Variants in FAM135B observed in about 807,000 individuals in gnomAD.
FAM135B encodes the protein family with sequence similarity 135 member B, also known as protein FAM135B.
A neutral mutation model predicts 127.7 loss-of-function variants in FAM135B; 43 were observed. The observed-to-expected ratio is 0.34, with a 90% confidence interval of 0.26 to 0.43. The LOEUF (loss-of-function observed/expected upper bound fraction) is 0.43, where lower values mean the gene tolerates loss of function less well. Ranked by LOEUF, FAM135B falls within the 20% of genes least tolerant of loss-of-function variation. FAM135B has a pLI of 1.00. For synonymous variants in FAM135B, 670 were observed against 665.1 expected, an observed-to-expected ratio of 1.01 and a Z score of -0.11; for missense variants, 1,558 against 1,725.6, an observed-to-expected ratio of 0.90 and a Z score of 1.72.
At chr8:138,257,839 T>A (rs2130556558) in intron 4 of FAM135B, among the ~76,000 whole-genome samples, 1 of 151,748 alleles carries the variant, frequency 6.6e-6, no homozygotes, top group Admixed American at 6.6e-5. Context: ...TTCAGGCAAT[T>A]TCATATTTGT....
At chr8:138,304,709 G>C (rs1179422379) in intron 3 of FAM135B, among the ~76,000 whole-genome samples, 3 of 152,206 alleles carry the variant, frequency 2.0e-5, no homozygotes, top group Non-Finnish European at 4.4e-5. Context: ...TGGCCAGCAG[G>C]TATCATGGCA....
At chr8:138,324,814 C>A (rs1827690889) in intron 2 of FAM135B, among the ~76,000 whole-genome samples, 1 of 152,182 alleles carries the variant, frequency 6.6e-6, no homozygotes, top group Non-Finnish European at 1.5e-5. Flanking sequence ...AACGACTATA[C>A]AATACACCCT....
chr8:138,429,091 A>G (rs1174959734), intron 1 of FAM135B, among the ~76,000 whole-genome samples: 3 of 152,220 alleles, frequency 2.0e-5, no homozygotes, highest in African/African-American at 7.2e-5. Context: ...AATGCTATGG[A>G]CAAAAAATAT....
chr8:138,238,114 G>T (rs963260885), intron 7 of FAM135B, among the ~76,000 whole-genome samples: 3 of 152,150 alleles, frequency 2.0e-5, no homozygotes, highest in African/African-American at 7.2e-5. Flanking sequence ...ACAGCAGGTT[G>T]GCACTGAGGA....
chr8:138,135,116 G>A (rs1332815607), intron 19 of FAM135B, among the ~76,000 whole-genome samples: 1 of 152,182 alleles, frequency 6.6e-6, no homozygotes. Context: ...TGTAAATGAT[G>A]GGTGTGGCTA....
chr8:138,376,220 G>A (rs745696803), intron 1 of FAM135B, among the ~76,000 whole-genome samples: 1 of 152,182 alleles, frequency 6.6e-6, no homozygotes, highest in Admixed American at 6.5e-5. Flanking sequence ...TAGGATTACA[G>A]ACATGAACCA....
At chr8:138,165,705 T>C (rs768332015) in intron 12 of FAM135B, among the ~76,000 whole-genome samples, 1 of 152,180 alleles carries the variant, frequency 6.6e-6, no homozygotes, top group Non-Finnish European at 1.5e-5. Flanking sequence ...TATGCATACA[T>C]ACACATACAT....
chr8:138,176,287 A>C (rs986688527), intron 11 of FAM135B, among the ~76,000 whole-genome samples: 1 of 152,234 alleles, frequency 6.6e-6, no homozygotes, highest in Non-Finnish European at 1.5e-5. Context: ...CTATTGTTGC[A>C]GTAACTCTGG....
chr8:138,324,411 T>C (rs1827662034), intron 2 of FAM135B, among the ~76,000 whole-genome samples: 1 of 152,192 alleles, frequency 6.6e-6, no homozygotes, highest in African/African-American at 2.4e-5. Flanking sequence ...CTCTAAAAAG[T>C]AGTAATGACA....
At chr8:138,341,394 GT>G (rs1829036519) in intron 2 of FAM135B, among the ~76,000 whole-genome samples, 1 of 152,172 alleles carries the variant, frequency 6.6e-6, no homozygotes. Flanking sequence ...TTGAATGGTG[GT>G]TGCCAGGGCA....
intron 1 of FAM135B, among the ~76,000 whole-genome samples, chr8:138,452,527 G>A (rs1430566995): frequency 6.6e-6 from 1 of 152,054 alleles, no homozygotes; most frequent in South Asian, 2.1e-4. Context: ...AAGAAGTGGC[G>A]CGAGCTTCAG....
intron 7 of FAM135B, among the ~76,000 whole-genome samples, chr8:138,223,627 T>C (rs1188984961): frequency 6.6e-6 from 1 of 152,168 alleles, no homozygotes; most frequent in Non-Finnish European, 1.5e-5. Context: ...TTGGCATGGA[T>C]TGAAGGATAG....
At chr8:138,320,009 T>C (rs1293114775) in intron 2 of FAM135B, among the ~76,000 whole-genome samples, 1 of 152,164 alleles carries the variant, frequency 6.6e-6, no homozygotes. Flanking sequence ...AGGCAGCCTC[T>C]ATAAACTGGA....
intron 12 of FAM135B, among the ~76,000 whole-genome samples, chr8:138,157,389 G>T (rs1818867125): frequency 6.6e-6 from 1 of 152,210 alleles, no homozygotes; most frequent in African/African-American, 2.4e-5. Context: ...ACTGGCATAA[G>T]ACAGGGATGC....
Position 138,141,105 on chromosome 8 carries a change from A to C in FAM135B, c.3790+93T>G. On this transcript the variant is annotated intron_variant, in intron 17 of 19. Coordinates refer to ENST00000395297, the MANE Select transcript of FAM135B (RefSeq NM_015912.4). This position sits in a 1 kb window ranked among gnomAD's most constrained non-coding sequence, Gnocchi z 4.7. The stretch of plus-strand genomic sequence containing the variant: ...CATGCTTGGAAAAGACTGCACAGTC[A>C]CAGGGTTCCAAGTGGAAGTACCTGT... The C allele has an allele frequency of 8.0e-7, 1 of 1,251,008 alleles. No individual in the cohort carries two copies. Among genetic ancestry groups the C allele is most frequent in the South Asian group, 1.4e-5 (1 of 72,046 alleles). 77.5% of individuals were successfully genotyped at this position (1,251,008 alleles called of 1,614,324 possible).
At chr8:138,139,920 CACTG>C (rs1816982582) in intron 17 of FAM135B, among the ~76,000 whole-genome samples, 1 of 152,216 alleles carries the variant, frequency 6.6e-6, no homozygotes, top group African/African-American at 2.4e-5. Context: ...ACATATATTA[CACTG>C]ACTGCTACGT....
At chr8:138,156,998 G>C (rs1818821053) in intron 12 of FAM135B, among the ~76,000 whole-genome samples, 1 of 152,180 alleles carries the variant, frequency 6.6e-6, no homozygotes. Flanking sequence ...ATCGAAAAAA[G>C]AGAATTTTAG....
intron 1 of FAM135B, among the ~76,000 whole-genome samples, chr8:138,447,298 T>C (rs903169899): frequency 2.0e-5 from 3 of 152,210 alleles, no homozygotes; most frequent in South Asian, 2.1e-4. Context: ...AGCCATCCCA[T>C]TACTGGGTAT....
chr8:138,206,126 G>A (rs58660002), intron 7 of FAM135B, among the ~76,000 whole-genome samples: 87,548 of 133,316 alleles, frequency 0.66, 26,407 homozygotes, highest in Admixed American at 0.73. Context: ...CTACACACAG[G>A]CCAGCAGCAC....
Sources: allele counts gnomAD v4.1 joint callset (sites outside exome capture counted in the v4.1 genomes callset), GRCh38; gene constraint gnomAD v4.1.1; non-coding constraint Gnocchi (gnomAD v3.1); transcripts MANE v1.5; gene names NCBI Gene and HGNC (gene_info 2026-07-23, HGNC 2026-07-21).